Variants in NEMP2 observed in about 807,000 individuals in gnomAD.
NEMP2 encodes nuclear envelope integral membrane protein 2.
A neutral mutation model predicts 54.2 loss-of-function variants in NEMP2; 53 were observed. The ratio of observed to expected loss-of-function variants is 0.98; its 90% CI spans 0.78 to 1.23. The LOEUF (loss-of-function observed/expected upper bound fraction) is 1.23, where lower values mean the gene tolerates loss of function less well. NEMP2 is among the 50% of genes most tolerant of loss of function. The pLI is 0.00. For synonymous variants in NEMP2, 197 were observed against 190.3 expected, an observed-to-expected ratio of 1.04 and a Z score of -0.29; for missense variants, 455 against 511.3, an observed-to-expected ratio of 0.89 and a Z score of 1.06.
the NEMP2 span, among the ~76,000 whole-genome samples, chr2:190,439,097 G>T: frequency 6.6e-6 from 1 of 151,912 alleles, no homozygotes; most frequent in Non-Finnish European, 1.5e-5. This position sits in a 1 kb window ranked among gnomAD's most constrained non-coding sequence, Gnocchi z 5.8. Context: ...CTTTAATTTT[G>T]TCCACACCAT....
At chr2:190,645,201 C>T in the NEMP2 span, among the ~76,000 whole-genome samples, 1 of 151,906 alleles carries the variant, frequency 6.6e-6, no homozygotes, top group Non-Finnish European at 1.5e-5. Context: ...AAGGAATAAG[C>T]CTGGGATGAT....
At chr2:190,646,431 G>A in the NEMP2 span, among the ~76,000 whole-genome samples, 1 of 152,182 alleles carries the variant, frequency 6.6e-6, no homozygotes, top group Non-Finnish European at 1.5e-5. Flanking sequence ...AGAATCCATC[G>A]TCTGACTTGA....
chr2:190,430,372 C>A, the NEMP2 span, among the ~76,000 whole-genome samples: 1 of 151,100 alleles, frequency 6.6e-6, no homozygotes, highest in South Asian at 2.1e-4. Flanking sequence ...GTGTTTGTGT[C>A]CCTGGGTACT....
At chr2:190,630,397 T>A in the NEMP2 span, among the ~76,000 whole-genome samples, 5 of 152,108 alleles carry the variant, frequency 3.3e-5, no homozygotes, top group Admixed American at 6.5e-5. The surrounding 1 kb of genome is among the most constrained non-coding windows in gnomAD (Gnocchi z 5.5). Flanking sequence ...TTTGTATTTT[T>A]AGTAGAGACG....
At chr2:190,576,428 A>G in the NEMP2 span, among the ~76,000 whole-genome samples, 1 of 152,340 alleles carries the variant, frequency 6.6e-6, no homozygotes, top group East Asian at 1.9e-4. Flanking sequence ...TTGATGGAAG[A>G]GAGTACTTAA....
the NEMP2 span, among the ~76,000 whole-genome samples, chr2:190,580,101 G>A: frequency 2.6e-5 from 4 of 152,148 alleles, no homozygotes; most frequent in East Asian, 1.9e-4. The surrounding 1 kb of genome is among the most constrained non-coding windows in gnomAD (Gnocchi z 5.3). Context: ...GGCCTGGGGC[G>A]AGGCCTAAGA....
chr2:190,432,182 T>A, the NEMP2 span, among the ~76,000 whole-genome samples: 1 of 152,324 alleles, frequency 6.6e-6, no homozygotes, highest in Admixed American at 6.5e-5. Flanking sequence ...TATAAGCATC[T>A]AGAAGTCATT....
intron 1 of NEMP2, among the ~76,000 whole-genome samples, chr2:190,526,757 T>C (rs895196252): frequency 5.3e-5 from 8 of 152,176 alleles, no homozygotes; most frequent in Non-Finnish European, 1.0e-4. Flanking sequence ...ATTTCGGATA[T>C]ACTGAGTTTT....
chr2:190,496,562 T>A, the NEMP2 span, among the ~76,000 whole-genome samples: 1 of 152,172 alleles, frequency 6.6e-6, no homozygotes, highest in Non-Finnish European at 1.5e-5. The surrounding 1 kb of genome is among the most constrained non-coding windows in gnomAD (Gnocchi z 4.7). Context: ...TGCAAAAATG[T>A]GGAACCAGCC....
the NEMP2 span, among the ~76,000 whole-genome samples, chr2:190,581,639 A>G: frequency 6.6e-6 from 1 of 152,192 alleles, no homozygotes; most frequent in Non-Finnish European, 1.5e-5. Flanking sequence ...TGTTCTATTG[A>G]GTTATAAATA....
chr2:190,595,200 T>C, the NEMP2 span, among the ~76,000 whole-genome samples: 3 of 152,176 alleles, frequency 2.0e-5, no homozygotes, highest in Admixed American at 1.3e-4. This position sits in a 1 kb window ranked among gnomAD's most constrained non-coding sequence, Gnocchi z 4.0. Context: ...TGGCTAGCCA[T>C]ATGCAGAAAA....
At chr2:190,488,017 C>T in the NEMP2 span, among the ~76,000 whole-genome samples, 1 of 152,182 alleles carries the variant, frequency 6.6e-6, no homozygotes, top group Non-Finnish European at 1.5e-5. This position sits in a 1 kb window ranked among gnomAD's most constrained non-coding sequence, Gnocchi z 6.4. Context: ...ATTCCACTGC[C>T]TCAGCCTCCC....
chr2:190,436,219 A>G, the NEMP2 span: 3 of 1,614,140 alleles, frequency 1.9e-6, no homozygotes, highest in Non-Finnish European at 2.5e-6. This position sits in a 1 kb window ranked among gnomAD's most constrained non-coding sequence, Gnocchi z 5.3. Context: ...TTGTGTTAAG[A>G]TAAACAACGA....
At chr2:190,463,380 G>A in the NEMP2 span, among the ~76,000 whole-genome samples, 1 of 152,166 alleles carries the variant, frequency 6.6e-6, no homozygotes, top group South Asian at 2.1e-4. This position sits in a 1 kb window ranked among gnomAD's most constrained non-coding sequence, Gnocchi z 4.4. Flanking sequence ...TCCTGGGGAG[G>A]AGGGCACATC....
chr2:190,482,868 C>CTTT, the NEMP2 span, among the ~76,000 whole-genome samples: 65 of 48,270 alleles, frequency 1.3e-3, 14 homozygotes, highest in African/African-American at 5.6e-3. Context: ...AGACTATCAT[C>CTTT]TTTTTTTTTT....
chr2:190,639,703 C>T, the NEMP2 span, among the ~76,000 whole-genome samples: 1 of 151,064 alleles, frequency 6.6e-6, no homozygotes, highest in African/African-American at 2.4e-5. Context: ...GGCTGGAGTG[C>T]AGTGGCACGA....
At chr2:190,496,122 C>G in the NEMP2 span, among the ~76,000 whole-genome samples, 2,650 of 151,280 alleles carry the variant, frequency 0.018, 77 homozygotes, top group African/African-American at 0.061. The surrounding 1 kb of genome is among the most constrained non-coding windows in gnomAD (Gnocchi z 4.7). Flanking sequence ...GAATCTATGA[C>G]GAACTCAAAC....
the NEMP2 span, among the ~76,000 whole-genome samples, chr2:190,466,733 T>C: frequency 2.6e-5 from 4 of 152,222 alleles, no homozygotes; most frequent in Admixed American, 2.0e-4. Context: ...GGATACTTCT[T>C]ATTTTGTGTT....
the NEMP2 span, among the ~76,000 whole-genome samples, chr2:190,488,153 G>A: frequency 6.6e-5 from 10 of 152,086 alleles, no homozygotes; most frequent in African/African-American, 9.7e-5. The surrounding 1 kb of genome is among the most constrained non-coding windows in gnomAD (Gnocchi z 6.4). Flanking sequence ...CACCCGCCTC[G>A]GCCTCCCAAA....
Sources: gnomAD v4.1 joint callset for allele counts (sites outside exome capture counted in the v4.1 genomes callset) on GRCh38, gnomAD v4.1.1 for gene constraint, Gnocchi (gnomAD v3.1) non-coding constraint, MANE v1.5 for transcripts, NCBI Gene and HGNC (gene_info 2026-07-23, HGNC 2026-07-21) for gene names.